CATSPERT: variants seen among roughly 807,000 people sequenced by gnomAD.
The protein encoded by CATSPERT is catsper channel auxiliary subunit tau.
the CATSPERT span, among the ~76,000 whole-genome samples, chr2:201,563,390 G>A: frequency 0.019 from 2,251 of 120,872 alleles, 99 homozygotes; most frequent in Non-Finnish European, 0.028. Context: ...CCTCCCTCCC[G>A]GACGGGGCGG....
At chr2:201,589,197 T>C in the CATSPERT span, among the ~76,000 whole-genome samples, 2 of 152,156 alleles carry the variant, frequency 1.3e-5, no homozygotes, top group East Asian at 1.9e-4. Context: ...AATTTATAGA[T>C]TCAATGCTAT....
the CATSPERT span, among the ~76,000 whole-genome samples, chr2:201,488,581 A>T: frequency 6.6e-6 from 1 of 152,204 alleles, no homozygotes; most frequent in East Asian, 1.9e-4. Flanking sequence ...TAGCTATATA[A>T]GGTATGAATC....
the CATSPERT span, among the ~76,000 whole-genome samples, chr2:201,581,598 A>G: frequency 1.0e-5 from 1 of 98,156 alleles, no homozygotes; most frequent in Non-Finnish European, 2.0e-5. Context: ...ATATATACAC[A>G]TACATATTCT....
At chr2:201,551,831 C>CGGGGTTG in the CATSPERT span, among the ~76,000 whole-genome samples, 3 of 151,690 alleles carry the variant, frequency 2.0e-5, no homozygotes, top group Admixed American at 2.0e-4. Context: ...TCGCTTTAAC[C>CGGGGTTG]CGGGAGCCGG....
chr2:201,588,789 G>T, the CATSPERT span, among the ~76,000 whole-genome samples: 48 of 151,966 alleles, frequency 3.2e-4, no homozygotes, highest in African/African-American at 1.0e-3. Flanking sequence ...AGAAATAAAA[G>T]GTATCCCAAT....
At chr2:201,517,777 A>G in the CATSPERT span, among the ~76,000 whole-genome samples, 1 of 152,126 alleles carries the variant, frequency 6.6e-6, no homozygotes, top group Non-Finnish European at 1.5e-5. Flanking sequence ...GGCCCTTTCT[A>G]CCTTGTTAGT....
At chr2:201,506,789 G>A in the CATSPERT span, among the ~76,000 whole-genome samples, 1 of 152,182 alleles carries the variant, frequency 6.6e-6, no homozygotes, top group Non-Finnish European at 1.5e-5. Flanking sequence ...TCCTGATGTC[G>A]TGATCCCCCT....
chr2:201,513,908 T>C, the CATSPERT span, among the ~76,000 whole-genome samples: 3 of 152,148 alleles, frequency 2.0e-5, no homozygotes, highest in Non-Finnish European at 2.9e-5. Flanking sequence ...TTCTAGAAAA[T>C]CTTCAAATGT....
At chr2:201,523,242 C>G in the CATSPERT span, among the ~76,000 whole-genome samples, 455 of 152,298 alleles carry the variant, frequency 3.0e-3, no homozygotes, top group Non-Finnish European at 5.6e-3. Flanking sequence ...CCAGCAGTCC[C>G]CATTGGAGTA....
At chr2:201,582,552 T>C in the CATSPERT span, among the ~76,000 whole-genome samples, 1 of 152,252 alleles carries the variant, frequency 6.6e-6, no homozygotes, top group Admixed American at 6.5e-5. Flanking sequence ...AATACTCTAT[T>C]GAAACTACAC....
the CATSPERT span, among the ~76,000 whole-genome samples, chr2:201,559,358 C>T: frequency 6.6e-6 from 1 of 152,210 alleles, no homozygotes; most frequent in Non-Finnish European, 1.5e-5. Flanking sequence ...GCCCTGTGGG[C>T]AGCCCCCAGC....
the CATSPERT span, among the ~76,000 whole-genome samples, chr2:201,561,964 G>A: frequency 1.3e-5 from 2 of 151,686 alleles, no homozygotes; most frequent in Non-Finnish European, 2.9e-5. Context: ...TCAAATTATG[G>A]TCTATAAGGC....
chr2:201,487,786 G>C, the CATSPERT span: 1 of 1,614,048 alleles, frequency 6.2e-7, no homozygotes, highest in Non-Finnish European at 8.5e-7. Context: ...CAGAGTGTCT[G>C]GCATGGTTAT....
At chr2:201,547,706 A>G in the CATSPERT span, 1 of 625,584 alleles carries the variant, frequency 1.6e-6, no homozygotes. Flanking sequence ...TGATCCATTT[A>G]TAAAATGTTC....
chr2:201,544,233 C>T, the CATSPERT span, among the ~76,000 whole-genome samples: 96 of 152,116 alleles, frequency 6.3e-4, 1 homozygote, highest in African/African-American at 2.1e-3. Flanking sequence ...GTATATGTGC[C>T]GTATTTTCTT....
the CATSPERT span, among the ~76,000 whole-genome samples, chr2:201,533,342 T>C: frequency 3.9e-5 from 6 of 152,212 alleles, no homozygotes; most frequent in Admixed American, 3.9e-4. Context: ...AAGTTATTTC[T>C]TATGGAAAAA....
chr2:201,595,053 T>C, the CATSPERT span, among the ~76,000 whole-genome samples: 4 of 152,216 alleles, frequency 2.6e-5, no homozygotes, highest in South Asian at 2.1e-4. Context: ...GGAGAGGCGC[T>C]CTGTTTTTTA....
chr2:201,564,251 C>T, the CATSPERT span, among the ~76,000 whole-genome samples: 1 of 152,154 alleles, frequency 6.6e-6, no homozygotes, highest in Non-Finnish European at 1.5e-5. Flanking sequence ...TTAAAGTGAT[C>T]TGGGATTGTT....
chr2:201,491,383 T>A, the CATSPERT span: 2 of 1,537,070 alleles, frequency 1.3e-6, no homozygotes, highest in Non-Finnish European at 1.7e-6. Flanking sequence ...CAAGTTTTTC[T>A]CATCTTCTAC....
Sources: allele counts gnomAD v4.1 joint callset (sites outside exome capture counted in the v4.1 genomes callset), GRCh38; gene constraint gnomAD v4.1.1; transcripts MANE v1.5; gene names NCBI Gene and HGNC (gene_info 2026-07-23, HGNC 2026-07-21).